The following LNX2 variants were observed in gnomAD, a reference collection of about 807,000 sequenced individuals.
The protein encoded by LNX2 is ligand of Numb protein X 2.
Under a neutral mutation model 66.2 loss-of-function variants are expected in LNX2, and 35 were observed. That is an observed-to-expected ratio of 0.53 (90% CI 0.40 to 0.70). The LOEUF (loss-of-function observed/expected upper bound fraction) is 0.70. Ranked by LOEUF, LNX2 falls within the 30% of genes least tolerant of loss-of-function variation. The pLI, the probability that LNX2 is intolerant of heterozygous loss-of-function variation, is 0.00. For synonymous variants in LNX2, 337 were observed against 315.6 expected, an observed-to-expected ratio of 1.07 and a Z score of -0.72; for missense variants, 791 against 850.8, an observed-to-expected ratio of 0.93 and a Z score of 0.87.
intron 1 of LNX2, among the ~76,000 whole-genome samples, chr13:27,583,003 G>C (rs1467789676): frequency 6.6e-6 from 1 of 151,988 alleles, no homozygotes; most frequent in Non-Finnish European, 1.5e-5. Context: ...CATCTGCATA[G>C]CGTATATAAA....
At chr13:27,609,576 AAATAT>A (rs759660363) in intron 1 of LNX2, among the ~76,000 whole-genome samples, 2 of 152,224 alleles carry the variant, frequency 1.3e-5, no homozygotes, top group Non-Finnish European at 2.9e-5. Context: ...TAGAAAGAGA[AAATAT>A]AGTCACTATC....
chr13:27,604,233 G>C (rs540402552), intron 1 of LNX2, among the ~76,000 whole-genome samples: 1 of 152,306 alleles, frequency 6.6e-6, no homozygotes, highest in South Asian at 2.1e-4. Context: ...GCGACAGAGC[G>C]AGACTCCGTC....
chr13:27,571,005 T>C (rs1023318901), intron 2 of LNX2, among the ~76,000 whole-genome samples: 1 of 152,208 alleles, frequency 6.6e-6, no homozygotes, highest in East Asian at 1.9e-4. Flanking sequence ...ACAAGTATAC[T>C]TACAGTCCCA....
chr13:27,584,700 T>A (rs945722962), intron 1 of LNX2, among the ~76,000 whole-genome samples: 1 of 151,624 alleles, frequency 6.6e-6, no homozygotes, highest in African/African-American at 2.4e-5. Flanking sequence ...TAAATAAAAA[T>A]TTTAAAAGAA....
At chr13:27,589,266 A>G (rs1454453570) in intron 1 of LNX2, among the ~76,000 whole-genome samples, 2 of 152,252 alleles carry the variant, frequency 1.3e-5, no homozygotes. Context: ...TTAGCTGCAT[A>G]GAAATATTTA....
chr13:27,614,578 G>A (rs746060599), intron 1 of LNX2, among the ~76,000 whole-genome samples: 9 of 152,000 alleles, frequency 5.9e-5, no homozygotes, highest in Non-Finnish European at 1.0e-4. Context: ...CTTCTGTTCC[G>A]CAAGATCTAT....
At chr13:27,592,925 T>C (rs1259964940) in intron 1 of LNX2, among the ~76,000 whole-genome samples, 1 of 152,122 alleles carries the variant, frequency 6.6e-6, no homozygotes, top group East Asian at 1.9e-4. Context: ...AGAGTTTTGG[T>C]GGAGACAGCA....
intron 1 of LNX2, among the ~76,000 whole-genome samples, chr13:27,583,265 C>CGCGT (rs2138403298): frequency 8.9e-6 from 1 of 112,326 alleles, no homozygotes; most frequent in Admixed American, 9.3e-5. Flanking sequence ...TGCGCGCGTC[C>CGCGT]TCTCCAACAT....
In LNX2 at chr13:27,557,867, T is replaced by C. The variant is rs556242528; in HGVS notation, c.1369-1454A>G. On this transcript the variant is annotated intron_variant, in intron 6 of 9. Transcript: ENST00000316334. ...AGGTATGAAATTTTTGTCAGCAGCC[T>C]TCAAAATTAGACAAACACAACTTTA... Among the ~76,000 whole-genome samples, 23 of 152,190 alleles carry C rather than the reference T, an allele frequency of 1.5e-4. No individual in the cohort carries two copies. In the South Asian group the frequency reaches 4.8e-3, roughly 32 times the overall value.
Position 27,592,114 on chromosome 13 carries a change from T to C in LNX2, c.-100-10311A>G, listed in dbSNP as rs1431067214. 3.3e-5 allele frequency among the ~76,000 whole-genome samples: 5 copies of C among 152,302 alleles called. No individual in the cohort carries two copies. In the East Asian group the frequency reaches 9.7e-4, roughly 29 times the overall value. On this transcript the variant is annotated intron_variant, in intron 1 of 9. Transcript: ENST00000316334. ...TAAATCTTGTAGGGCCTAAAAAACT[T>C]TGGTTTTTACTCTGAGTCAGATTTT...
chr13:27,604,228 AG>A (rs1355867213), intron 1 of LNX2, among the ~76,000 whole-genome samples: 2 of 152,356 alleles, frequency 1.3e-5, no homozygotes, highest in East Asian at 3.9e-4. Flanking sequence ...CCTGGGCGAC[AG>A]AGCGAGACTC....
chr13:27,580,471 C>G (rs1166155006), intron 2 of LNX2, among the ~76,000 whole-genome samples: 1 of 152,096 alleles, frequency 6.6e-6, no homozygotes, highest in East Asian at 1.9e-4. Context: ...ACTGGCTTAA[C>G]TTGAAATTAG....
chr13:27,577,867 C>T (rs949960229), intron 2 of LNX2, among the ~76,000 whole-genome samples: 6 of 152,000 alleles, frequency 3.9e-5, no homozygotes, highest in Non-Finnish European at 5.9e-5. Context: ...AGTGGTAGAG[C>T]GTAGGAGGAA....
chr13:27,616,826 T>G (rs533687521), intron 1 of LNX2, among the ~76,000 whole-genome samples: 2 of 152,238 alleles, frequency 1.3e-5, no homozygotes, highest in East Asian at 3.8e-4. Flanking sequence ...CTCAGCTCAC[T>G]GAAACCTCTA....
intron 1 of LNX2, among the ~76,000 whole-genome samples, chr13:27,601,003 G>C (rs1955652169): frequency 6.6e-6 from 1 of 152,174 alleles, no homozygotes; most frequent in African/African-American, 2.4e-5. Flanking sequence ...TGCTTCACTT[G>C]ATACTCAAAC....
chr13:27,556,161 A>T lies in LNX2; in HGVS notation c.1546+75T>A, dbSNP rs1179819170. On this transcript the variant is annotated intron_variant, in intron 7 of 9. Coordinates refer to ENST00000316334, the MANE Select transcript of LNX2 (RefSeq NM_153371.4). Reference sequence around the variant, plus strand: ...GTCATGTTTAATAGATACTTTGTAGATATTCTTTATTTTTTTAAATGTGCA... The same window carrying T: ...GTCATGTTTAATAGATACTTTGTAGTTATTCTTTATTTTTTTAAATGTGCA... 2.2e-6 allele frequency: 3 copies of T among 1,369,850 alleles called. No individual in the cohort carries two copies. In the East Asian group the frequency reaches 7.3e-5, roughly 33 times the overall value. The allele number at this position is 1,369,850 out of a possible 1,614,324, so 84.9% of individuals were successfully genotyped here. A position where few individuals can be genotyped will look rare whatever the true frequency, so the allele number is the denominator to read the frequency against.
At chr13:27,607,536 ACT>A (rs1275592242) in intron 1 of LNX2, among the ~76,000 whole-genome samples, 1 of 152,152 alleles carries the variant, frequency 6.6e-6, no homozygotes, top group Admixed American at 6.5e-5. Flanking sequence ...AGAATTATTT[ACT>A]CTTTTTCAGA....
intron 1 of LNX2, among the ~76,000 whole-genome samples, chr13:27,597,443 A>T (rs114749453): frequency 0.039 from 5,907 of 152,284 alleles, 141 homozygotes; most frequent in East Asian, 0.094. Context: ...AAGGAACAAC[A>T]GCTTTAAAAA....
At chr13:27,602,557 T>C (rs1004947874) in intron 1 of LNX2, among the ~76,000 whole-genome samples, 1 of 152,236 alleles carries the variant, frequency 6.6e-6, no homozygotes, top group Non-Finnish European at 1.5e-5. Context: ...GTAGTCTGTT[T>C]CTTTGCATTG....
Sources: allele counts gnomAD v4.1 joint callset (sites outside exome capture counted in the v4.1 genomes callset), GRCh38; gene constraint gnomAD v4.1.1; transcripts MANE v1.5; gene names NCBI Gene and HGNC (gene_info 2026-07-23, HGNC 2026-07-21).